WWP1: variants seen among roughly 807,000 people sequenced by gnomAD.
WWP1 encodes the protein NEDD4-like E3 ubiquitin-protein ligase WWP1.
Under a neutral mutation model 130.6 loss-of-function variants are expected in WWP1, and 49 were observed. That is an observed-to-expected ratio of 0.38 (90% CI 0.30 to 0.48). WWP1 has a LOEUF of 0.48. WWP1 is among the 20% of genes least tolerant of loss of function. WWP1 has a pLI of 0.99. For synonymous variants in WWP1, 332 were observed against 367.8 expected (o/e 0.90, Z 1.11); for missense variants, 809 against 1,100.6 (o/e 0.74, Z 3.75).
At chr8:86,441,886 A>G (rs1329601765) in intron 17 of WWP1, among the ~76,000 whole-genome samples, 1 of 152,204 alleles carries the variant, frequency 6.6e-6, no homozygotes, top group African/African-American at 2.4e-5. Flanking sequence ...TTGCTATTGA[A>G]AAGAACCTTT....
intron 8 of WWP1, 139 bp downstream of exon 8, chr8:86,402,342 G>C: frequency 2.7e-6 from 3 of 1,111,576 alleles, no homozygotes; most frequent in South Asian, 1.7e-5. Context: ...CTGGAGTGCA[G>C]TGGTGCGATC....
At chr8:86,427,248 AATTAT>A (rs983888007) in intron 10 of WWP1, among the ~76,000 whole-genome samples, 4 of 152,096 alleles carry the variant, frequency 2.6e-5, no homozygotes, top group African/African-American at 9.7e-5. Flanking sequence ...AGTCTTTAGA[AATTAT>A]ATTAGGGCTA....
At chr8:86,461,730 A>T (rs760797123) in intron 23 of WWP1, 44 bp from the exon 24 acceptor site, 13 of 1,506,814 alleles carry the variant, frequency 8.6e-6, no homozygotes, top group Non-Finnish European at 8.3e-6. Flanking sequence ...AGAAGAAAAA[A>T]GTTTAAAGGA....
chr8:86,448,356 A>G lies in WWP1; in HGVS notation c.2133-17A>G. ...TTTCATTTTGTTAATTAGTGTATAT[A>G]TATTTATTTCACCCAGAGATAACAA... On this transcript the variant is annotated splice_polypyrimidine_tract_variant and intron_variant, in intron 19 of 24. Transcript: ENST00000517970. 6.2e-7 allele frequency: 1 copy of G among 1,605,992 alleles called. No individual in the cohort carries two copies. The highest frequency in any genetic ancestry group is 8.5e-7 in the Non-Finnish European group (1 of 1,177,630).
chr8:86,459,903 A>C (rs1423367619), intron 22 of WWP1, among the ~76,000 whole-genome samples: 2 of 152,194 alleles, frequency 1.3e-5, no homozygotes, highest in Non-Finnish European at 2.9e-5. Flanking sequence ...AGACCTGGTA[A>C]TAAGTCTTGT....
Position 86,468,485 on chromosome 8 carries a change from C to G in WWP1, c.*1592C>G. The G allele has an allele frequency of 2.4e-6, 1 of 420,914 alleles. No homozygotes were observed. The highest frequency in any genetic ancestry group is 4.6e-6 in the Non-Finnish European group (1 of 215,746). The allele number at this position is 420,914 out of a possible 1,614,324, so 26.1% of individuals were successfully genotyped here. ...AGGTTATGTGATAGAGGGAAACTGGCCTTCAAAAAGGACTGCGTATACCAT... is the reference window on the plus strand; with the variant it reads ...AGGTTATGTGATAGAGGGAAACTGGGCTTCAAAAAGGACTGCGTATACCAT... On this transcript the variant is annotated 3_prime_UTR_variant, in exon 25 of 25. Coordinates refer to ENST00000517970, the MANE Select transcript of WWP1 (RefSeq NM_007013.4).
intron 20 of WWP1, among the ~76,000 whole-genome samples, chr8:86,451,918 AT>A: frequency 6.6e-6 from 1 of 152,252 alleles, no homozygotes; most frequent in East Asian, 1.9e-4. Flanking sequence ...TCTCTTCAGA[AT>A]GTTTTGTTTT....
Position 86,451,214 on chromosome 8 carries a change from T to TAAAAA in WWP1, c.2274-1310_2274-1306dup, listed in dbSNP as rs61141803. 3.3e-3 allele frequency among the ~76,000 whole-genome samples: 144 copies of TAAAAA among 43,672 alleles called. 13 individuals carry two copies. The highest frequency in any genetic ancestry group is 5.0e-3 in the Non-Finnish European group (119 of 23,620). 28.7% of individuals were successfully genotyped at this position (43,672 alleles called of 152,430 possible). ...GCAACCGAGTGAGACCCTATGTTAT[T>TAAAAA]AAAAAAAAAAAAAAAAAAAAAAAAA... On this transcript the variant is annotated intron_variant, in intron 20 of 24. Coordinates refer to ENST00000517970, the MANE Select transcript of WWP1 (RefSeq NM_007013.4).
rs140626861 is a variant in WWP1, at chr8:86,443,475, T to C, written c.1998+697T>C. 9.9e-3 allele frequency among the ~76,000 whole-genome samples: 1,502 copies of C among 152,284 alleles called. 27 individuals are homozygous for C. The highest frequency in any genetic ancestry group is 0.034 in the African/African-American group (1,432 of 41,558). On this transcript the variant is annotated intron_variant, in intron 18 of 24. Coordinates refer to ENST00000517970, the MANE Select transcript of WWP1 (RefSeq NM_007013.4). Reference sequence around the variant, plus strand: ...GAAGCCCTTATGGAACTATTGTCTTTTGGGAAGTGTTTGTATTTATTTATT... The same window carrying C: ...GAAGCCCTTATGGAACTATTGTCTTCTGGGAAGTGTTTGTATTTATTTATT...
intron 1 of WWP1, among the ~76,000 whole-genome samples, chr8:86,359,667 T>C (rs1823454668): frequency 6.6e-6 from 1 of 152,174 alleles, no homozygotes; most frequent in East Asian, 1.9e-4. Context: ...CAGCCAGTTC[T>C]GCCTTCTCAG....
At chr8:86,444,255 A>G (rs1310468895) in intron 18 of WWP1, among the ~76,000 whole-genome samples, 1 of 152,228 alleles carries the variant, frequency 6.6e-6, no homozygotes, top group African/African-American at 2.4e-5. Context: ...TATGGCAACA[A>G]TATTTATGGC....
At chr8:86,387,485 A>ATATTTATT (rs769835999) in intron 5 of WWP1, among the ~76,000 whole-genome samples, 5 of 151,688 alleles carry the variant, frequency 3.3e-5, no homozygotes, top group African/African-American at 7.3e-5. Context: ...TCATATATGT[A>ATATTTATT]TATTTATTTA....
At position 86,448,204 on chromosome 8, in the gene WWP1, T is replaced by C. The variant is rs139392205; in HGVS notation, c.2055T>C (p.Arg685=). 4.3e-4 allele frequency: 673 copies of C among 1,581,664 alleles called. No homozygotes were observed. The highest frequency in any genetic ancestry group is 2.0e-3 in the Middle Eastern group (12 of 5,918). Residue 685 remains arginine, a synonymous_variant, in exon 19 of 25, where the codon CGT becomes CGC. Coordinates refer to ENST00000517970, the MANE Select transcript of WWP1 (RefSeq NM_007013.4). ...GTTTCTCTTTACCATTCTACAAGCG[T>C]ATGTTAAGTAAAAAACTTACTATTA... ...DTGFSLPFYK[R]MLSKKLTIKD... is the part of the protein sequence containing the mutation.
chr8:86,431,448 A>G lies in WWP1; in HGVS notation c.1430A>G (p.His477Arg), dbSNP rs1472777529. ...DSTDRVYFVN[H>R]NTKTTQWEDP... ...ACAGACAGGGTTTACTTTGTGAATCATAACACAAAAACAACCCAGTGGGAA... is the reference window on the plus strand; with the variant it reads ...ACAGACAGGGTTTACTTTGTGAATCGTAACACAAAAACAACCCAGTGGGAA... Residue 477 changes from histidine to arginine, a missense_variant, in exon 13 of 25, where the codon CAT (histidine) becomes CGT (arginine). This residue lies in a region of WWP1 where 450 missense variants were observed against 674.2 expected (regional missense o/e 0.67). Transcript: ENST00000517970. The G allele has an allele frequency of 6.2e-7, 1 of 1,611,080 alleles. No individual in the cohort carries two copies. Among genetic ancestry groups the G allele is most frequent in the Non-Finnish European group, 8.5e-7 (1 of 1,178,514 alleles).
At chr8:86,392,176 C>CCCACAGAAAA (rs2130445388) in intron 5 of WWP1, among the ~76,000 whole-genome samples, 1 of 152,240 alleles carries the variant, frequency 6.6e-6, no homozygotes, top group African/African-American at 2.4e-5. Flanking sequence ...TGGAGGAAAT[C>CCCACAGAAAA]ATTTGTGCTG....
Position 86,409,620 on chromosome 8 carries a change from G to A in WWP1, c.725-1918G>A, listed in dbSNP as rs532914836. On this transcript the variant is annotated intron_variant, in intron 8 of 24. Coordinates refer to ENST00000517970, the MANE Select transcript of WWP1 (RefSeq NM_007013.4). Reference sequence around the variant, plus strand: ...CATGCCTGTAATCCCAGAACTTTGGGAGGCCAAGTTGGGTGGATCATTTGA... The same window carrying A: ...CATGCCTGTAATCCCAGAACTTTGGAAGGCCAAGTTGGGTGGATCATTTGA... 3.8e-3 allele frequency among the ~76,000 whole-genome samples: 577 copies of A among 151,800 alleles called. 3 individuals are homozygous for A. The highest frequency in any genetic ancestry group is 0.024 in the Middle Eastern group (7 of 294).
chr8:86,387,277 ATATT>A (rs1825336865), intron 5 of WWP1, among the ~76,000 whole-genome samples: 1 of 152,124 alleles, frequency 6.6e-6, no homozygotes, highest in African/African-American at 2.4e-5. Context: ...TATTGGAAAG[ATATT>A]TATATTAGAA....
rs917678050 is a variant in WWP1 at position 86,383,499 on chromosome 8, T to C, written c.334+1870T>C. 4.6e-5 allele frequency among the ~76,000 whole-genome samples: 7 copies of C among 152,310 alleles called. No homozygotes were observed. In the East Asian group the frequency reaches 5.8e-4, roughly 13 times the overall value. On this transcript the variant is annotated intron_variant, in intron 5 of 24. Coordinates refer to ENST00000517970, the MANE Select transcript of WWP1 (RefSeq NM_007013.4). ...GTTCATGCCTGTAATCCCACCACTTTGGGAGGCTGAGGCAGGCGGATCACC... is the reference window on the plus strand; with the variant it reads ...GTTCATGCCTGTAATCCCACCACTTCGGGAGGCTGAGGCAGGCGGATCACC...
At chr8:86,380,657 A>G in intron 3 of WWP1, 69 bp from the exon 4 acceptor site, 2 of 1,450,634 alleles carry the variant, frequency 1.4e-6, no homozygotes, top group South Asian at 3.2e-5. Flanking sequence ...TTCCATTCTT[A>G]TTGATTGATT....
Sources: allele counts gnomAD v4.1 joint callset (sites outside exome capture counted in the v4.1 genomes callset), GRCh38; gene constraint gnomAD v4.1.1; regional missense constraint gnomAD v4.1.1; transcripts MANE v1.5; gene names NCBI Gene and HGNC (gene_info 2026-07-23, HGNC 2026-07-21).